The following OSBP2 variants were observed in gnomAD, a reference collection of about 807,000 sequenced individuals.
The protein encoded by OSBP2 is oxysterol-binding protein 2.
A neutral mutation model predicts 96.0 loss-of-function variants in OSBP2; 66 were observed. The ratio of observed to expected loss-of-function variants is 0.69; its 90% confidence interval spans 0.56 to 0.84. The LOEUF is 0.84. Ranked by LOEUF, OSBP2 falls within the 40% of genes least tolerant of loss-of-function variation. The pLI, the probability that OSBP2 is intolerant of heterozygous loss-of-function variation, is 0.00. For synonymous variants in OSBP2, 525 were observed against 520.9 expected (o/e 1.01, Z -0.11); for missense variants, 1,038 against 1,222.7 (o/e 0.85, Z 2.25).
chr22:30,763,171 G>T (rs2090228084), intron 2 of OSBP2, among the ~76,000 whole-genome samples: 1 of 152,188 alleles, frequency 6.6e-6, no homozygotes, highest in Admixed American at 6.5e-5. Flanking sequence ...ACACGGCTTG[G>T]CAAACACTCG....
At chr22:30,808,526 T>C (rs2090962321) in intron 2 of OSBP2, among the ~76,000 whole-genome samples, 1 of 152,006 alleles carries the variant, frequency 6.6e-6, no homozygotes, top group Non-Finnish European at 1.5e-5. Flanking sequence ...ACAAAAGATA[T>C]GTTGAAATCC....
chr22:30,842,976 G>T (rs996671179), intron 2 of OSBP2, among the ~76,000 whole-genome samples: 1 of 151,976 alleles, frequency 6.6e-6, no homozygotes, highest in Non-Finnish European at 1.5e-5. Context: ...TAGAGACGAG[G>T]TTTCACCACG....
Position 30,890,944 on chromosome 22 carries a change from G to A in OSBP2, c.1840G>A (p.Asp614Asn), listed in dbSNP as rs1208609404. 5.6e-6 allele frequency: 9 copies of A among 1,610,320 alleles called. No homozygotes were observed. The highest frequency in any genetic ancestry group is 2.2e-5 in the East Asian group (1 of 44,892). ...GACCTTCGAGCTGGACCGCCTCGAC[G>A]ACATGGGCCTGCGCTCCCTCTGTGA... is the stretch of plus-strand genomic sequence containing the variant. ...GETFELDRLDDMGLRSLCEQV... is the reference protein window; with the variant it reads ...GETFELDRLDNMGLRSLCEQV... Residue 614 changes from aspartate (D) to asparagine (N), a missense_variant, in exon 8 of 14, where the codon GAC becomes AAC. Asp to Asn is a conservative substitution (Grantham distance 23, BLOSUM62 1). Around this residue, in one of 3 missense-constraint regions of OSBP2, gnomAD observed 737 missense variants for 913.3 expected, o/e 0.81. Coordinates refer to ENST00000332585, the MANE Select transcript of OSBP2 (RefSeq NM_030758.4). The surrounding 1 kb of genome is among the most constrained non-coding windows in gnomAD (Gnocchi z 4.4).
intron 2 of OSBP2, among the ~76,000 whole-genome samples, chr22:30,787,209 C>T (rs965778501): frequency 6.6e-6 from 1 of 152,152 alleles, no homozygotes; most frequent in Non-Finnish European, 1.5e-5. Context: ...TTAATAGACT[C>T]ACAGTTGAGT....
intron 1 of OSBP2, among the ~76,000 whole-genome samples, chr22:30,710,296 T>C (rs1327164057): frequency 6.6e-6 from 1 of 152,144 alleles, no homozygotes; most frequent in African/African-American, 2.4e-5. Context: ...TCTTTCCTGT[T>C]TTGTTTTGTT....
chr22:30,700,031 C>T (rs1347357647), intron 1 of OSBP2, among the ~76,000 whole-genome samples: 6 of 150,150 alleles, frequency 4.0e-5, no homozygotes, highest in Non-Finnish European at 7.4e-5. Flanking sequence ...GGCACGATCT[C>T]GGCTCACTGT....
At chr22:30,783,115 C>T (rs1413459361) in intron 2 of OSBP2, among the ~76,000 whole-genome samples, 1 of 110,732 alleles carries the variant, frequency 9.0e-6, no homozygotes, top group Non-Finnish European at 1.7e-5. Context: ...ATTGTGTATA[C>T]AGGGAGAATC....
chr22:30,907,351 T>C lies in OSBP2; in HGVS notation c.*1012T>C, dbSNP rs1038437538. The C allele has an allele frequency of 6.6e-6, 1 of 151,142 alleles. No individual in the cohort carries two copies. The highest frequency in any genetic ancestry group is 2.4e-5 in the African/African-American group (1 of 41,286). 9.4% of individuals were successfully genotyped at this position (151,142 alleles called of 1,614,324 possible). A position where few individuals can be genotyped will look rare whatever the true frequency, so the allele number is the denominator to read the frequency against. The stretch of plus-strand genomic sequence containing the variant: ...TATATATGAGATATATAAATATATA[T>C]AAAATAGCTATTTTGCTTAAATTTC... On this transcript the variant is annotated 3_prime_UTR_variant, in exon 14 of 14. Transcript: ENST00000332585.
intron 2 of OSBP2, among the ~76,000 whole-genome samples, chr22:30,837,543 C>T (rs2038661935): frequency 1.3e-5 from 2 of 152,172 alleles, no homozygotes; most frequent in South Asian, 4.1e-4. Context: ...AAAAATGCCT[C>T]TACTTTTCTC....
At position 30,741,264 on chromosome 22, in the gene OSBP2, A is replaced by G; in HGVS notation, c.748A>G (p.Arg250Gly). Reference sequence around the variant, plus strand: ...TGGTATCTTGCTGACCAGTGGGGCCAGGAGCTACCACCTCAAGGCCAGCTC... The same window carrying G: ...TGGTATCTTGCTGACCAGTGGGGCCGGGAGCTACCACCTCAAGGCCAGCTC... Reference protein sequence around the residue: ...SCGILLTSGARSYHLKASSEV... With the variant: ...SCGILLTSGAGSYHLKASSEV... The change falls in exon 2 of 14, where the codon AGG becomes GGG. Residue 250 changes from arginine to glycine, a missense_variant. Coordinates refer to ENST00000332585, the MANE Select transcript of OSBP2 (RefSeq NM_030758.4). The G allele has an allele frequency of 1.9e-6, 3 of 1,614,046 alleles. No homozygotes were observed. The highest frequency in any genetic ancestry group is 2.2e-5 in the East Asian group (1 of 44,890).
chr22:30,725,704 T>C (rs1404665168), intron 1 of OSBP2, among the ~76,000 whole-genome samples: 1 of 152,128 alleles, frequency 6.6e-6, no homozygotes, highest in Non-Finnish European at 1.5e-5. Flanking sequence ...ACATATGGAA[T>C]ATACTTGATA....
intron 1 of OSBP2, among the ~76,000 whole-genome samples, chr22:30,738,709 C>T (rs1001207759): frequency 3.0e-4 from 46 of 152,064 alleles, no homozygotes; most frequent in Admixed American, 1.6e-3. Context: ...TACAGGTACC[C>T]GCCACCGTGC....
intron 2 of OSBP2, among the ~76,000 whole-genome samples, chr22:30,804,995 G>C (rs1431679210): frequency 1.3e-5 from 2 of 152,186 alleles, no homozygotes; most frequent in Non-Finnish European, 2.9e-5. Flanking sequence ...GTTTTCCACT[G>C]GTTGAGATTG....
intron 2 of OSBP2, among the ~76,000 whole-genome samples, chr22:30,806,842 C>T (rs2090935947): frequency 3.9e-5 from 6 of 152,126 alleles, no homozygotes. Flanking sequence ...ACAGGATTGC[C>T]GTTCGCAGAC....
chr22:30,737,257 C>A (rs2089869692), intron 1 of OSBP2, among the ~76,000 whole-genome samples: 1 of 151,638 alleles, frequency 6.6e-6, no homozygotes, highest in African/African-American at 2.4e-5. Context: ...TTCAGGTGAT[C>A]CTGCAGCCTC....
intron 2 of OSBP2, among the ~76,000 whole-genome samples, chr22:30,742,962 G>A (rs1400065046): frequency 6.6e-6 from 1 of 152,224 alleles, no homozygotes; most frequent in Non-Finnish European, 1.5e-5. Context: ...AGGAGTGTGT[G>A]AGGACACACA....
At position 30,830,324 on chromosome 22, in the gene OSBP2, C is replaced by T. The variant is rs1203880595; in HGVS notation, c.854-40105C>T. ...CATATCTTCAGAAATAGTAGTTGCT[C>T]ACACTGGGTGGTGTGTCAAGGCGGA... On this transcript the variant is annotated intron_variant, in intron 2 of 13. Transcript: ENST00000332585. 3.9e-5 allele frequency among the ~76,000 whole-genome samples: 6 copies of T among 152,200 alleles called. No homozygotes were observed. The East Asian group carries it at 9.6e-4, about 24-fold the overall frequency.
intron 5 of OSBP2, among the ~76,000 whole-genome samples, chr22:30,888,938 A>G (rs2039879919): frequency 1.3e-5 from 2 of 152,234 alleles, no homozygotes; most frequent in Non-Finnish European, 1.5e-5. Context: ...GGATTTGTGT[A>G]TCTAAACATA....
chr22:30,763,077 C>T (rs1407400717), intron 2 of OSBP2, among the ~76,000 whole-genome samples: 1 of 152,202 alleles, frequency 6.6e-6, no homozygotes, highest in Non-Finnish European at 1.5e-5. Context: ...CATTTCTCTC[C>T]TTTGTAAAAT....
Sources: gnomAD v4.1 joint callset for allele counts (sites outside exome capture counted in the v4.1 genomes callset) on GRCh38, gnomAD v4.1.1 for gene constraint, gnomAD v4.1.1 regional missense constraint, Gnocchi (gnomAD v3.1) non-coding constraint, MANE v1.5 for transcripts, NCBI Gene and HGNC (gene_info 2026-07-23, HGNC 2026-07-21) for gene names.